Variants in ROR2 observed in about 807,000 individuals in gnomAD.
ROR2 encodes ROR family WNT receptor 2, also known as tyrosine-protein kinase transmembrane receptor ROR2.
A neutral mutation model predicts 74.9 loss-of-function variants in ROR2; 33 were observed. That is an observed-to-expected ratio of 0.44 (90% CI 0.33 to 0.59). The LOEUF (loss-of-function observed/expected upper bound fraction) is 0.59, where lower values mean the gene tolerates loss of function less well. Among genes scored for constraint, ROR2 ranks in the 20% least tolerant of loss-of-function variants. The pLI is 0.02. For missense variants in ROR2, 1,216 were observed against 1,313.8 expected, an observed-to-expected ratio of 0.93 and a Z score of 1.15; for synonymous variants, 586 against 558.7, an observed-to-expected ratio of 1.05 and a Z score of -0.69.
chr9:91,787,303 G>T (rs1405430466), intron 1 of ROR2, among the ~76,000 whole-genome samples: 4 of 152,174 alleles, frequency 2.6e-5, no homozygotes, highest in Non-Finnish European at 5.9e-5. Context: ...TTGAGGTCAG[G>T]AGTTCAAGAC....
chr9:91,921,454 G>T (rs80130345), intron 1 of ROR2, among the ~76,000 whole-genome samples: 3,251 of 152,304 alleles, frequency 0.021, 117 homozygotes, highest in African/African-American at 0.074. Flanking sequence ...AACCACACTG[G>T]CAAAAGAGGA....
intron 1 of ROR2, among the ~76,000 whole-genome samples, chr9:91,828,783 C>T (rs1040653611): frequency 4.6e-5 from 7 of 152,292 alleles, no homozygotes; most frequent in African/African-American, 1.2e-4. Flanking sequence ...TCCATTAGCT[C>T]GCCCCTTGTT....
At chr9:91,909,637 C>T (rs968720346) in intron 1 of ROR2, among the ~76,000 whole-genome samples, 5 of 151,440 alleles carry the variant, frequency 3.3e-5, no homozygotes, top group African/African-American at 1.2e-4. Context: ...CAGGCATGAG[C>T]CACCACACTC....
intron 1 of ROR2, among the ~76,000 whole-genome samples, chr9:91,783,893 G>C (rs1826706792): frequency 6.6e-6 from 1 of 152,088 alleles, no homozygotes. Flanking sequence ...CCACCCGCTT[G>C]TAAGTCTGTC....
chr9:91,875,358 A>T (rs1307106719), intron 1 of ROR2, among the ~76,000 whole-genome samples: 1 of 152,226 alleles, frequency 6.6e-6, no homozygotes, highest in East Asian at 1.9e-4. Flanking sequence ...AAAGTTGTGG[A>T]AATGTAGATG....
At position 91,724,991 on chromosome 9, in the gene ROR2, G is replaced by T. The variant is rs1415803209; in HGVS notation, c.1503C>A (p.Thr501=). 1.2e-6 allele frequency: 2 copies of T among 1,613,746 alleles called. No individual in the cohort carries two copies. The highest frequency in any genetic ancestry group is 1.1e-5 in the South Asian group (1 of 91,086). ...TCAGCGTTTTGATGGCCACAGCCTG[G>T]GTCTGCTCCCCCGGGGCAGGGCCGA... is the stretch of plus-strand genomic sequence containing the variant. ...HLFGPAPGEQ[T]QAVAIKTLKD... Residue 501 remains threonine (T), a synonymous_variant, in exon 9 of 9, where the codon ACC becomes ACA. Coordinates refer to ENST00000375708, the MANE Select transcript of ROR2 (RefSeq NM_004560.4).
chr9:91,743,851 G>A (rs1825322029), intron 4 of ROR2, among the ~76,000 whole-genome samples: 1 of 152,156 alleles, frequency 6.6e-6, no homozygotes, highest in South Asian at 2.1e-4. Context: ...CTCCACACTT[G>A]AAACTTCAAA....
At chr9:91,789,856 T>C (rs1826915078) in intron 1 of ROR2, among the ~76,000 whole-genome samples, 1 of 151,522 alleles carries the variant, frequency 6.6e-6, no homozygotes, top group South Asian at 2.1e-4. Flanking sequence ...TGTAAGTGGG[T>C]AAAAAAGGCA....
At chr9:91,731,303 C>T (rs1053821835) in intron 6 of ROR2, 148 bp from the exon 7 acceptor site, 3 of 1,139,564 alleles carry the variant, frequency 2.6e-6, no homozygotes, top group Non-Finnish European at 3.9e-6. Flanking sequence ...TTAATGAAGT[C>T]CCAAGCCCAC....
chr9:91,819,617 TTGAG>T (rs1294499714), intron 1 of ROR2, among the ~76,000 whole-genome samples: 16 of 152,164 alleles, frequency 1.1e-4, no homozygotes, highest in East Asian at 3.9e-4. Context: ...TTGTCTGTCT[TTGAG>T]TGAGTGTGTG....
intron 4 of ROR2, among the ~76,000 whole-genome samples, chr9:91,747,552 C>T (rs1270665921): frequency 6.6e-6 from 1 of 152,240 alleles, no homozygotes; most frequent in East Asian, 1.9e-4. Flanking sequence ...ACAGACAGGA[C>T]ACACCTCTTG....
intron 1 of ROR2, chr9:91,887,062 A>T (rs1467104816): frequency 6.6e-6 from 1 of 152,090 alleles, no homozygotes; most frequent in Non-Finnish European, 1.5e-5. Context: ...GCTTGCTAGG[A>T]CCCCTGCGGT....
At chr9:91,725,675 C>G (rs1837002511) in intron 8 of ROR2, among the ~76,000 whole-genome samples, 1 of 152,338 alleles carries the variant, frequency 6.6e-6, no homozygotes, top group Admixed American at 6.5e-5. Context: ...ACTAGGGTCT[C>G]TGTTAAACAT....
intron 1 of ROR2, among the ~76,000 whole-genome samples, 192 bp downstream of exon 1, chr9:91,949,675 G>T (rs1587870629): frequency 1.3e-5 from 2 of 152,182 alleles, no homozygotes; most frequent in African/African-American, 4.8e-5. Context: ...GCGGCTTATT[G>T]TAACCAGCCC....
At chr9:91,859,941 C>T (rs541799714) in intron 1 of ROR2, among the ~76,000 whole-genome samples, 1 of 152,226 alleles carries the variant, frequency 6.6e-6, no homozygotes, top group Non-Finnish European at 1.5e-5. Flanking sequence ...CCCGTTGAGC[C>T]CACACTGGAG....
chr9:91,909,838 G>GTTTTTTTTTTTTTTTTTT (rs1278227036), intron 1 of ROR2, among the ~76,000 whole-genome samples: 5 of 63,194 alleles, frequency 7.9e-5, no homozygotes, highest in African/African-American at 3.2e-4. Flanking sequence ...TTTTTTTTAG[G>GTTTTTTTTTTTTTTTTTT]TTTGTTTTGT....
At chr9:91,925,753 G>A (rs1831380262) in intron 1 of ROR2, among the ~76,000 whole-genome samples, 1 of 152,114 alleles carries the variant, frequency 6.6e-6, no homozygotes, top group Non-Finnish European at 1.5e-5. Context: ...AAGAAAACTC[G>A]CTCACTCTAC....
At chr9:91,805,510 C>G (rs919056107) in intron 1 of ROR2, among the ~76,000 whole-genome samples, 1 of 152,152 alleles carries the variant, frequency 6.6e-6, no homozygotes, top group African/African-American at 2.4e-5. Flanking sequence ...AGCAGGAAGC[C>G]TAAACAGGCT....
intron 1 of ROR2, among the ~76,000 whole-genome samples, chr9:91,867,578 A>C (rs1208959247): frequency 1.3e-5 from 2 of 152,060 alleles, no homozygotes; most frequent in East Asian, 3.9e-4. Flanking sequence ...TGAAAATACC[A>C]GGGAGATGAT....
Sources: allele counts gnomAD v4.1 joint callset (sites outside exome capture counted in the v4.1 genomes callset), GRCh38; gene constraint gnomAD v4.1.1; transcripts MANE v1.5; gene names NCBI Gene and HGNC (gene_info 2026-07-23, HGNC 2026-07-21).